The following MACF1 variants were observed in gnomAD, a reference collection of about 807,000 sequenced individuals.
MACF1 encodes microtubule actin crosslinking factor 1.
A neutral mutation model predicts 854.8 loss-of-function variants in MACF1; 193 were observed. That is an observed-to-expected ratio of 0.23 (90% CI 0.20 to 0.25). The LOEUF (loss-of-function observed/expected upper bound fraction) is 0.25. Ranked by LOEUF, MACF1 falls within the 10% of genes least tolerant of loss-of-function variation. The pLI, the probability that MACF1 is intolerant of heterozygous loss-of-function variation, is 1.00. For missense variants in MACF1, 7,722 were observed against 8,929.1 expected (o/e 0.86, Z 5.45); for synonymous variants, 3,185 against 3,226.7 (o/e 0.99, Z 0.44).
Position 39,429,307 on chromosome 1 carries a change from T to C in MACF1, c.16869T>C (p.Ala5623=). The C allele has an allele frequency of 6.3e-7, 1 of 1,584,822 alleles. No individual in the cohort carries two copies. The highest frequency in any genetic ancestry group is 8.7e-7 in the Non-Finnish European group (1 of 1,153,822). The change falls in exon 64 of 101, where the codon GCT becomes GCC. Residue 5623 remains alanine, a synonymous_variant. Coordinates refer to ENST00000564288, the MANE Select transcript of MACF1 (RefSeq NM_001394062.1). ...ATCAAGCTATTAAAAATGGTCAGGC[T>C]CTTCTAAAACAAACCACAGGTACTT... ...NVDQAIKNGQ[A]LLKQTTGEEV... is the part of the protein sequence containing the mutation.
chr1:39,307,901 C>CTTTCTTTTTTTTTTT (rs1222230255), intron 23 of MACF1, among the ~76,000 whole-genome samples: 1 of 50,392 alleles, frequency 2.0e-5, no homozygotes, highest in Non-Finnish European at 3.6e-5. Context: ...TTCTTTCTTT[C>CTTTCTTTTTTTTTTT]TTTTTTTTTT....
chr1:39,255,645 G>T (rs567403234), intron 5 of MACF1, among the ~76,000 whole-genome samples: 2 of 152,148 alleles, frequency 1.3e-5, no homozygotes, highest in Non-Finnish European at 2.9e-5. Context: ...TATAGGCTCC[G>T]TGAGGACGGG....
At chr1:39,223,008 G>T (rs1644672415) in intron 1 of MACF1, among the ~76,000 whole-genome samples, 1 of 152,090 alleles carries the variant, frequency 6.6e-6, no homozygotes, top group Non-Finnish European at 1.5e-5. Context: ...TAGTAGAGTA[G>T]GACAGATAAA....
At chr1:39,315,399 C>T in intron 26 of MACF1, 114 bp from the exon 27 acceptor site, 1 of 825,678 alleles carries the variant, frequency 1.2e-6, no homozygotes, top group Non-Finnish European at 1.9e-6. Context: ...AACCAGCCTC[C>T]TATATATGGG....
At chr1:39,388,745 C>A in intron 58 of MACF1, 87 bp downstream of exon 58, 1 of 1,275,502 alleles carries the variant, frequency 7.8e-7, no homozygotes, top group East Asian at 2.5e-5. Flanking sequence ...ATTTTAACTT[C>A]TGTCCCTAGT....
chr1:39,133,459 C>CTATAGTTGTGTGTGTTTAACTATAAGATT lies in MACF1; in HGVS notation c.220+49023_220+49051dup, dbSNP rs1167367876. Among the ~76,000 whole-genome samples the CTATAGTTGTGTGTGTTTAACTATAAGATT allele has an allele frequency of 1.2e-3, 180 of 152,292 alleles. 1 individual carries two copies. Among genetic ancestry groups the CTATAGTTGTGTGTGTTTAACTATAAGATT allele is most frequent in the African/African-American group, 4.3e-3 (178 of 41,552 alleles). On this transcript the variant is annotated intron_variant, in intron 2 of 93. Transcript: ENST00000361689. ...GGTTTAATTTTGTAACAGACTCTTACTATAGTTGTGTGTGTTTAACTATAA... is the reference window on the plus strand; with the variant it reads ...GGTTTAATTTTGTAACAGACTCTTACTATAGTTGTGTGTGTTTAACTATAAGATTTATAGTTGTGTGTGTTTAACTATAA...
intron 2 of MACF1, among the ~76,000 whole-genome samples, chr1:39,171,155 G>A (rs72661914): frequency 2.0e-5 from 3 of 151,764 alleles, no homozygotes; most frequent in Non-Finnish European, 2.9e-5. Flanking sequence ...ACTTGTCTGC[G>A]TTCCTTTCTG....
chr1:39,400,320 C>G (rs1228790173), intron 58 of MACF1, among the ~76,000 whole-genome samples: 1 of 152,050 alleles, frequency 6.6e-6, no homozygotes, highest in Non-Finnish European at 1.5e-5. Context: ...CTGTAAAATA[C>G]AAATATTGGT....
At chr1:39,477,192 A>G (rs939928392) in intron 97 of MACF1, among the ~76,000 whole-genome samples, 1 of 141,060 alleles carries the variant, frequency 7.1e-6, no homozygotes. Context: ...TATAATAGTG[A>G]TGTCCCTTGG....
chr1:39,427,856 GT>G (rs1358683928), intron 62 of MACF1, 104 bp from the exon 63 acceptor site: 5 of 1,077,968 alleles, frequency 4.6e-6, no homozygotes, highest in Non-Finnish European at 6.5e-6. Flanking sequence ...CAGTCGGTGA[GT>G]TTTTTAATTG....
chr1:39,385,455 G>C lies in MACF1; in HGVS notation c.13870G>C (p.Ala4624Pro), dbSNP rs759580315. 6.2e-7 allele frequency: 1 copy of C among 1,613,822 alleles called. No homozygotes were observed. The highest frequency in any genetic ancestry group is 1.1e-5 in the South Asian group (1 of 91,066). The change falls in exon 57 of 101, where the codon GCA (alanine) becomes CCA (proline). Residue 4624 changes from alanine to proline, a missense_variant. By Grantham distance (27) the Ala-to-Pro change is conservative. Transcript: ENST00000564288. ...TCAGTTTATGCTAAAGGAATTTGAA[G>C]CACGCAGGCAACAGCATGAGCAACT... is the stretch of plus-strand genomic sequence containing the variant. ...QVQFMLKEFE[A>P]RRQQHEQLNE...
At chr1:39,235,127 C>A (rs1374486960) in intron 2 of MACF1, among the ~76,000 whole-genome samples, 2 of 152,232 alleles carry the variant, frequency 1.3e-5, no homozygotes, top group South Asian at 4.1e-4. Flanking sequence ...AGGCTGCAAT[C>A]TCGGCACTTT....
intron 2 of MACF1, among the ~76,000 whole-genome samples, chr1:39,086,634 G>A (rs968377186): frequency 4.6e-5 from 7 of 152,138 alleles, no homozygotes; most frequent in Non-Finnish European, 7.3e-5. Context: ...TACTTAGATC[G>A]TTTTGTGATG....
chr1:39,176,719 T>A (rs1644034311), intron 2 of MACF1, among the ~76,000 whole-genome samples: 1 of 152,218 alleles, frequency 6.6e-6, no homozygotes, highest in Non-Finnish European at 1.5e-5. Context: ...AAATTCATAG[T>A]GTCATGAAAA....
chr1:39,400,903 T>C (rs1391886855), intron 58 of MACF1, among the ~76,000 whole-genome samples: 1 of 152,198 alleles, frequency 6.6e-6, no homozygotes, highest in Admixed American at 6.5e-5. Flanking sequence ...CCAGATTATT[T>C]TCTTCTTGAA....
intron 2 of MACF1, chr1:39,103,157 A>ACGCCTGTAATCCCAGC: frequency 2.4e-6 from 1 of 413,132 alleles, no homozygotes; most frequent in South Asian, 2.1e-5. Context: ...AAGGAATCTC[A>ACGCCTGTAATCCCAGC]ACCCCTTGCC....
chr1:39,358,463 C>T (rs1557607809), intron 45 of MACF1, among the ~76,000 whole-genome samples: 2 of 152,306 alleles, frequency 1.3e-5, no homozygotes, highest in Middle Eastern at 3.4e-3. Context: ...GCTTGTCATA[C>T]ATCTCATTAA....
intron 95 of MACF1, 70 bp downstream of exon 95, chr1:39,465,182 C>T (rs1255170143): frequency 2.7e-6 from 4 of 1,461,956 alleles, no homozygotes; most frequent in Non-Finnish European, 2.9e-6. Context: ...GCCTGTTCTT[C>T]GCTATGGGGA....
chr1:39,360,023 A>G (rs1648002579), intron 47 of MACF1, among the ~76,000 whole-genome samples: 1 of 44,280 alleles, frequency 2.3e-5, no homozygotes, highest in Non-Finnish European at 4.0e-5. Flanking sequence ...ATATATATAT[A>G]TATATATATA....
Sources: gnomAD v4.1 joint callset for allele counts (sites outside exome capture counted in the v4.1 genomes callset) on GRCh38, gnomAD v4.1.1 for gene constraint, MANE v1.5 for transcripts, NCBI Gene and HGNC (gene_info 2026-07-23, HGNC 2026-07-21) for gene names.